Variants in NRXN1 observed in about 807,000 individuals in gnomAD.
The protein encoded by NRXN1 is neurexin 1, also known as neurexin-1.
NRXN1 carries 39 observed loss-of-function variants against 150.9 expected under a neutral mutation model. That is an observed-to-expected ratio of 0.26 (90% confidence interval 0.20 to 0.34). The LOEUF (loss-of-function observed/expected upper bound fraction) is 0.34. NRXN1 is among the 10% of genes least tolerant of loss of function. The pLI is 1.00. For missense variants in NRXN1, 1,815 were observed against 1,949.9 expected (o/e 0.93, Z 1.30); for synonymous variants, 924 against 757.0 (o/e 1.22, Z -3.62).
intron 17 of NRXN1, among the ~76,000 whole-genome samples, chr2:50,379,010 C>T (rs749124519): frequency 1.1e-4 from 17 of 151,944 alleles, no homozygotes; most frequent in Non-Finnish European, 2.4e-4. Context: ...GGGTGTAGTC[C>T]CAGCCCTTAG....
intron 5 of NRXN1, among the ~76,000 whole-genome samples, chr2:50,850,726 CAAAGATT>C (rs1674397488): frequency 6.9e-6 from 1 of 144,398 alleles, no homozygotes; most frequent in South Asian, 2.2e-4. Context: ...AAATCAATAT[CAAAGATT>C]AAACTAAGGT....
intron 18 of NRXN1, among the ~76,000 whole-genome samples, chr2:50,220,568 C>A (rs757917499): frequency 9.2e-5 from 14 of 151,958 alleles, no homozygotes; most frequent in Non-Finnish European, 1.9e-4. Context: ...AACCGAAATC[C>A]CTGAAGTTCA....
intron 5 of NRXN1, among the ~76,000 whole-genome samples, chr2:50,826,533 C>T (rs1670467963): frequency 6.6e-6 from 1 of 151,824 alleles, no homozygotes; most frequent in Non-Finnish European, 1.5e-5. Context: ...ATGAAAAGAC[C>T]CATATAAATT....
chr2:50,202,063 G>A (rs1559081970), intron 18 of NRXN1, among the ~76,000 whole-genome samples: 1 of 152,126 alleles, frequency 6.6e-6, no homozygotes, highest in Non-Finnish European at 1.5e-5. Context: ...TACATCACAA[G>A]TTAAAGGGGG....
chr2:50,754,326 A>G (rs1700944104), intron 5 of NRXN1, among the ~76,000 whole-genome samples: 1 of 151,900 alleles, frequency 6.6e-6, no homozygotes, highest in South Asian at 2.1e-4. Context: ...ATAAATTTAT[A>G]TCAAACTGGC....
intron 2 of NRXN1, among the ~76,000 whole-genome samples, chr2:50,956,173 T>A (rs576814179): frequency 1.3e-5 from 2 of 152,152 alleles, no homozygotes; most frequent in Non-Finnish European, 2.9e-5. Context: ...GAGAGAGAGA[T>A]CACATTCACA....
intron 5 of NRXN1, among the ~76,000 whole-genome samples, chr2:50,830,458 T>G (rs1023066438): frequency 6.6e-6 from 1 of 151,762 alleles, no homozygotes; most frequent in African/African-American, 2.4e-5. Context: ...TTAAAAGCAC[T>G]TGAAACCTTG....
intron 13 of NRXN1, among the ~76,000 whole-genome samples, chr2:50,501,400 A>AGGGTGTGTGTGTGT (rs1553706190): frequency 6.7e-6 from 1 of 148,180 alleles, no homozygotes. Flanking sequence ...TGTGTGTGTG[A>AGGGTGTGTGTGTGT]GTGTGTGTGT....
intron 17 of NRXN1, among the ~76,000 whole-genome samples, chr2:50,424,215 G>A (rs1380789411): frequency 1.9e-5 from 2 of 106,094 alleles, no homozygotes; most frequent in Non-Finnish European, 3.7e-5. Context: ...AAGAGGAGGA[G>A]AAGGAGAAGA....
intron 5 of NRXN1, among the ~76,000 whole-genome samples, chr2:50,772,307 T>C (rs1380626375): frequency 6.6e-6 from 1 of 151,696 alleles, no homozygotes; most frequent in Non-Finnish European, 1.5e-5. Flanking sequence ...TTATCTAGGA[T>C]GAGCTGCTGA....
At chr2:49,936,680 T>C (rs1462713585) in intron 22 of NRXN1, among the ~76,000 whole-genome samples, 2 of 151,862 alleles carry the variant, frequency 1.3e-5, no homozygotes, top group African/African-American at 2.4e-5. Flanking sequence ...TTTTAAAATG[T>C]TGTTAAGAGC....
intron 15 of NRXN1, among the ~76,000 whole-genome samples, chr2:50,494,512 T>C (rs552623193): frequency 1.3e-5 from 2 of 152,278 alleles, no homozygotes; most frequent in African/African-American, 4.8e-5. Context: ...GTTCTTTGAA[T>C]TTCATTTTAT....
intron 18 of NRXN1, among the ~76,000 whole-genome samples, chr2:50,136,763 A>G (rs1033486103): frequency 6.6e-6 from 1 of 152,256 alleles, no homozygotes; most frequent in African/African-American, 2.4e-5. Flanking sequence ...ATTATCTAAA[A>G]GTTTGAACAA....
At chr2:50,293,222 C>T (rs890188583) in intron 17 of NRXN1, among the ~76,000 whole-genome samples, 1 of 152,120 alleles carries the variant, frequency 6.6e-6, no homozygotes, top group African/African-American at 2.4e-5. Flanking sequence ...TGACATCTGA[C>T]TGCTCGCTCT....
chr2:50,158,370 T>G lies in NRXN1; in HGVS notation c.3547-66876A>C, dbSNP rs1348690841. 6.6e-5 allele frequency among the ~76,000 whole-genome samples: 10 copies of G among 151,604 alleles called. 1 individual carries two copies. In the South Asian group the frequency reaches 2.1e-3, roughly 32 times the overall value. On this transcript the variant is annotated intron_variant, in intron 18 of 22. Transcript: ENST00000401669. ...ACCTTAGTTAAGACAATCATCACTA[T>G]TTGCTGACATTCATAGACAGTACAT...
intron 21 of NRXN1, among the ~76,000 whole-genome samples, chr2:50,000,383 T>C (rs1025113376): frequency 2.6e-5 from 4 of 152,146 alleles, no homozygotes; most frequent in African/African-American, 9.7e-5. Flanking sequence ...GTAAATAAAA[T>C]TGTCAATGGA....
At chr2:50,698,574 A>C (rs1300833544) in intron 5 of NRXN1, among the ~76,000 whole-genome samples, 1 of 152,362 alleles carries the variant, frequency 6.6e-6, no homozygotes, top group East Asian at 1.9e-4. Flanking sequence ...TTCTCAGTCA[A>C]TTCTCAATAG....
At chr2:50,042,149 A>T (rs922996169) in intron 21 of NRXN1, among the ~76,000 whole-genome samples, 1 of 152,226 alleles carries the variant, frequency 6.6e-6, no homozygotes, top group Non-Finnish European at 1.5e-5. Context: ...TTCTTTTAAC[A>T]TCTTGTTATA....
chr2:50,002,460 C>T (rs1037797604), intron 21 of NRXN1, among the ~76,000 whole-genome samples: 1 of 152,082 alleles, frequency 6.6e-6, no homozygotes, highest in African/African-American at 2.4e-5. Flanking sequence ...TAGCCTCTGG[C>T]CTTCATGAAT....
Sources: gnomAD v4.1 joint callset for allele counts (sites outside exome capture counted in the v4.1 genomes callset) on GRCh38, gnomAD v4.1.1 for gene constraint, MANE v1.5 for transcripts, NCBI Gene and HGNC (gene_info 2026-07-23, HGNC 2026-07-21) for gene names.